The following HECTD4 variants were observed in gnomAD, a reference collection of about 807,000 sequenced individuals.
HECTD4 encodes the protein probable E3 ubiquitin-protein ligase HECTD4.
In HECTD4, 114 loss-of-function variants were observed where a neutral mutation model predicts 471.5. The observed-to-expected ratio is 0.24, with a 90% CI of 0.21 to 0.28. The LOEUF is 0.28. HECTD4 is among the 10% of genes least tolerant of loss of function. The probability of loss-of-function intolerance (pLI) is 1.00; values close to 1 mark genes in which losing one functional copy is unlikely to be tolerated. For missense variants in HECTD4, 3,866 were observed against 5,651.5 expected (o/e 0.68, Z 10.13); for synonymous variants, 2,012 against 2,256.0 (o/e 0.89, Z 3.07).
chr12:112,222,005 C>A (rs1003218258), intron 44 of HECTD4, among the ~76,000 whole-genome samples: 6 of 151,162 alleles, frequency 4.0e-5, no homozygotes, highest in African/African-American at 1.5e-4. Context: ...CTCACTGCAA[C>A]CTCTGCCTCC....
At chr12:112,189,550 CAAAAAAAAAA>C (rs57209316) in intron 60 of HECTD4, among the ~76,000 whole-genome samples, 117 of 30,464 alleles carry the variant, frequency 3.8e-3, no homozygotes, top group African/African-American at 0.012. Context: ...GACTCCGTCT[CAAAAAAAAAA>C]AAAAAAAAAA....
intron 9 of HECTD4, among the ~76,000 whole-genome samples, chr12:112,278,424 C>T (rs2034569932): frequency 6.6e-6 from 1 of 152,196 alleles, no homozygotes; most frequent in African/African-American, 2.4e-5. Flanking sequence ...TATGTGTGCA[C>T]TCTGAAGCCA....
At position 112,239,914 on chromosome 12, in the gene HECTD4, C is replaced by T. The variant is rs2033597975; in HGVS notation, c.5072G>A (p.Ser1691Asn). 6 of 1,613,902 alleles carry T rather than the reference C, an allele frequency of 3.7e-6. No individual in the cohort carries two copies. The highest frequency in any genetic ancestry group is 1.1e-5 in the South Asian group (1 of 91,088). Residue 1691 changes from serine to asparagine, a missense_variant, in exon 33 of 76, where the codon AGC (serine) becomes AAC (asparagine). By Grantham distance (46) the Ser-to-Asn change is conservative. This residue lies in a region of HECTD4 where 229 missense variants were observed against 386.4 expected (regional missense o/e 0.59). Coordinates refer to ENST00000682272, the MANE Select transcript of HECTD4 (RefSeq NM_001388303.1). This position sits in a 1 kb window ranked among gnomAD's most constrained non-coding sequence, Gnocchi z 4.9. Reference sequence around the variant, plus strand: ...AGGTATGGTACATAAGAGTCCAATGCTATTTGCGCAAGCGATAGGGTAACG... The same window carrying T: ...AGGTATGGTACATAAGAGTCCAATGTTATTTGCGCAAGCGATAGGGTAACG... ...CARYPIACAN[S>N]IGLLCTIPYT...
chr12:112,355,708 G>A (rs1391110359), intron 1 of HECTD4, among the ~76,000 whole-genome samples: 2 of 149,570 alleles, frequency 1.3e-5, no homozygotes, highest in South Asian at 2.1e-4. Context: ...AGGTTGCAGT[G>A]AGCGGAGGTC....
At chr12:112,302,372 T>C (rs1356116591) in intron 7 of HECTD4, 1 of 754,396 alleles carries the variant, frequency 1.3e-6, no homozygotes, top group Non-Finnish European at 2.4e-6. Flanking sequence ...TCTGTATTTG[T>C]GGGCCAGCTT....
chr12:112,216,682 G>T, intron 47 of HECTD4, 91 bp downstream of exon 47: 1 of 1,432,410 alleles, frequency 7.0e-7, no homozygotes, highest in Non-Finnish European at 9.6e-7. Context: ...CTCACTTGAA[G>T]ACAGAACTCT....
intron 50 of HECTD4, among the ~76,000 whole-genome samples, chr12:112,209,515 G>A (rs60808588): frequency 0.11 from 16,358 of 151,926 alleles, 1,066 homozygotes; most frequent in East Asian, 0.23. Context: ...TAGTAGAGAC[G>A]GGGTTTCTCC....
In HECTD4 at chr12:112,179,086, T is replaced by C; in HGVS notation, c.11212-4A>G. On this transcript the variant is annotated splice_polypyrimidine_tract_variant and splice_region_variant and intron_variant, in intron 63 of 75. Coordinates refer to ENST00000682272, the MANE Select transcript of HECTD4 (RefSeq NM_001388303.1). This position sits in a 1 kb window ranked among gnomAD's most constrained non-coding sequence, Gnocchi z 4.3. The stretch of plus-strand genomic sequence containing the variant: ...GCACGCCATACTTCCTCAGGATCTG[T>C]GGAGCACAGAGGCAGCGGGGAGGCT... 2 of 1,613,944 alleles carry C rather than the reference T, an allele frequency of 1.2e-6. No homozygotes were observed. The highest frequency in any genetic ancestry group is 1.7e-6 in the Non-Finnish European group (2 of 1,179,892).
At position 112,208,893 on chromosome 12, in the gene HECTD4, C is replaced by CTTTT. The variant is rs756330403; in HGVS notation, c.7868-267_7868-264dup. 5.8e-4 allele frequency among the ~76,000 whole-genome samples: 42 copies of CTTTT among 72,466 alleles called. 3 individuals are homozygous for CTTTT. Among genetic ancestry groups the CTTTT allele is most frequent in the East Asian group, 1.1e-3 (2 of 1,856 alleles). The allele number at this position is 72,466 out of a possible 152,430, so 47.5% of individuals were successfully genotyped here. ...TTCACTATAGATAGAACTAAACAGG[C>CTTTT]TTTTTTTTTTTTTTTTTTTTTTTTT... On this transcript the variant is annotated intron_variant, in intron 50 of 75. Transcript: ENST00000682272.
chr12:112,305,912 C>G (rs1594029854), intron 7 of HECTD4, among the ~76,000 whole-genome samples, 152 bp downstream of exon 7: 1 of 152,166 alleles, frequency 6.6e-6, no homozygotes, highest in Admixed American at 6.6e-5. Context: ...ACAAAGAAAC[C>G]TTCAAAGACA....
At chr12:112,277,083 G>T (rs900717164) in intron 9 of HECTD4, among the ~76,000 whole-genome samples, 1 of 152,122 alleles carries the variant, frequency 6.6e-6, no homozygotes, top group African/African-American at 2.4e-5. Flanking sequence ...CCACTCCTAC[G>T]TATGTGCCCA....
intron 1 of HECTD4, among the ~76,000 whole-genome samples, chr12:112,348,643 C>T (rs948697840): frequency 6.6e-6 from 1 of 151,940 alleles, no homozygotes; most frequent in Non-Finnish European, 1.5e-5. Context: ...GCGTATAGTC[C>T]CACCTCCTTG....
At chr12:112,255,186 G>A (rs2033980707) in intron 21 of HECTD4, among the ~76,000 whole-genome samples, 1 of 152,150 alleles carries the variant, frequency 6.6e-6, no homozygotes, top group South Asian at 2.1e-4. Flanking sequence ...GAAACAAAAC[G>A]ACACCAACTA....
chr12:112,295,730 C>T (rs2034994128), intron 7 of HECTD4, among the ~76,000 whole-genome samples: 1 of 151,308 alleles, frequency 6.6e-6, no homozygotes, highest in African/African-American at 2.4e-5. Context: ...CAGCCTTAAA[C>T]TCCTGGGCTC....
chr12:112,360,506 A>G (rs1290812274), intron 1 of HECTD4, among the ~76,000 whole-genome samples: 1 of 152,216 alleles, frequency 6.6e-6, no homozygotes, highest in African/African-American at 2.4e-5. Context: ...CCTTGATCTT[A>G]TATCTCTAAC....
chr12:112,366,216 T>G (rs1167921393), intron 1 of HECTD4, among the ~76,000 whole-genome samples: 2 of 152,020 alleles, frequency 1.3e-5, no homozygotes, highest in African/African-American at 2.4e-5. Flanking sequence ...CAAAAAAAAA[T>G]TGTTCCATTT....
In HECTD4 at chr12:112,179,701, G is replaced by A. The variant is rs2031594676; in HGVS notation, c.10988-304C>T. On this transcript the variant is annotated intron_variant, in intron 62 of 75. Transcript: ENST00000682272. The surrounding 1 kb of genome is among the most constrained non-coding windows in gnomAD (Gnocchi z 4.3). ...GCTCGGGGACGACAGGCCCCTCCCCGAGGGTGGGCACACCTCAGTGCTCAC... is the reference window on the plus strand; with the variant it reads ...GCTCGGGGACGACAGGCCCCTCCCCAAGGGTGGGCACACCTCAGTGCTCAC... 6.6e-6 allele frequency among the ~76,000 whole-genome samples: 1 copy of A among 152,146 alleles called. No individual in the cohort carries two copies. Among genetic ancestry groups the A allele is most frequent in the Admixed American group, 6.5e-5 (1 of 15,280 alleles).
intron 1 of HECTD4, among the ~76,000 whole-genome samples, chr12:112,378,282 G>T (rs1041402482): frequency 3.3e-5 from 5 of 151,940 alleles, no homozygotes; most frequent in Admixed American, 2.6e-4. Flanking sequence ...GCAGTGACGC[G>T]ATCTCAGCTC....
At position 112,173,172 on chromosome 12, in the gene HECTD4, T is replaced by C. The variant is rs2137010091; in HGVS notation, c.11595-311A>G. 6.6e-6 allele frequency among the ~76,000 whole-genome samples: 1 copy of C among 152,194 alleles called. No homozygotes were observed. Among genetic ancestry groups the C allele is most frequent in the South Asian group, 2.1e-4 (1 of 4,822 alleles). On this transcript the variant is annotated intron_variant, in intron 66 of 75. Transcript: ENST00000682272. This position sits in a 1 kb window ranked among gnomAD's most constrained non-coding sequence, Gnocchi z 4.3. ...GGTGAAGGAGGAGCTCCTAATAGCATCAGCCTGCAGTGTGTCACACAACTT... is the reference window on the plus strand; with the variant it reads ...GGTGAAGGAGGAGCTCCTAATAGCACCAGCCTGCAGTGTGTCACACAACTT...
Sources: gnomAD v4.1 joint callset for allele counts (sites outside exome capture counted in the v4.1 genomes callset) on GRCh38, gnomAD v4.1.1 for gene constraint, gnomAD v4.1.1 regional missense constraint, Gnocchi (gnomAD v3.1) non-coding constraint, MANE v1.5 for transcripts, NCBI Gene and HGNC (gene_info 2026-07-23, HGNC 2026-07-21) for gene names.